Variants in DDX21 observed in about 807,000 individuals in gnomAD.
DDX21 encodes the protein DExD-box helicase 21.
In DDX21, 18 loss-of-function variants were observed where a neutral mutation model predicts 90.0. The ratio of observed to expected loss-of-function variants is 0.20; its 90% CI spans 0.14 to 0.30. The LOEUF is 0.30. DDX21 is among the 10% of genes least tolerant of loss of function. The pLI, the probability that DDX21 is intolerant of heterozygous loss-of-function variation, is 1.00. For synonymous variants in DDX21, 294 were observed against 318.0 expected (o/e 0.92, Z 0.80); for missense variants, 673 against 944.5 (o/e 0.71, Z 3.77).
intron 4 of DDX21, 108 bp from the exon 5 acceptor site, chr10:68,965,269 G>A (rs1332363262): frequency 6.4e-6 from 5 of 781,112 alleles, no homozygotes; most frequent in African/African-American, 1.7e-5. Flanking sequence ...CATCATCAGC[G>A]TTAGACCTTG....
At chr10:68,976,933 T>G (rs1001733330) in intron 11 of DDX21, among the ~76,000 whole-genome samples, 4 of 152,150 alleles carry the variant, frequency 2.6e-5, no homozygotes, top group Non-Finnish European at 4.4e-5. Flanking sequence ...GGTCTTTTTC[T>G]TATTTCTTTT....
At chr10:68,975,935 G>T (rs1358792834) in intron 11 of DDX21, among the ~76,000 whole-genome samples, 1 of 151,878 alleles carries the variant, frequency 6.6e-6, no homozygotes, top group African/African-American at 2.4e-5. Context: ...TATAATCCCA[G>T]GTACTTGGGA....
intron 12 of DDX21, 126 bp downstream of exon 12, chr10:68,977,814 T>A: frequency 9.2e-7 from 1 of 1,087,928 alleles, no homozygotes; most frequent in Non-Finnish European, 1.3e-6. Flanking sequence ...TTAATTGTAT[T>A]TTACAATTTC....
intron 7 of DDX21, among the ~76,000 whole-genome samples, chr10:68,969,836 T>G (rs1179092420): frequency 1.3e-5 from 2 of 152,218 alleles, no homozygotes; most frequent in Non-Finnish European, 2.9e-5. Flanking sequence ...AGATTGGGTT[T>G]TTAAGTAAAT....
chr10:68,961,131 C>T (rs368661091), intron 2 of DDX21, among the ~76,000 whole-genome samples: 2 of 152,288 alleles, frequency 1.3e-5, no homozygotes, highest in African/African-American at 2.4e-5. Context: ...CATGGGATCT[C>T]GCTGTGTGGC....
intron 11 of DDX21, among the ~76,000 whole-genome samples, chr10:68,975,884 C>T (rs1843090779): frequency 6.6e-6 from 1 of 151,934 alleles, no homozygotes; most frequent in South Asian, 2.1e-4. Context: ...CCCATTTCTA[C>T]TAAAAATACA....
In DDX21 at chr10:68,965,263, A is replaced by G. The variant is rs1589284364; in HGVS notation, c.787-114A>G. 5.7e-6 allele frequency: 4 copies of G among 706,774 alleles called. No homozygotes were observed. In the East Asian group the frequency reaches 7.9e-5, roughly 14 times the overall value. 43.8% of individuals were successfully genotyped at this position (706,774 alleles called of 1,614,324 possible). A position where few individuals can be genotyped will look rare whatever the true frequency, so the allele number is the denominator to read the frequency against. On this transcript the variant is annotated intron_variant, in intron 4 of 14. Transcript: ENST00000354185. ...AATATTAGATAATGTTATCGTCATCATCAGCGTTAGACCTTGTTCAAGTCG... is the reference window on the plus strand; with the variant it reads ...AATATTAGATAATGTTATCGTCATCGTCAGCGTTAGACCTTGTTCAAGTCG...
intron 9 of DDX21, among the ~76,000 whole-genome samples, chr10:68,972,629 T>G (rs1270173395): frequency 6.6e-6 from 1 of 152,220 alleles, no homozygotes; most frequent in African/African-American, 2.4e-5. Flanking sequence ...AGACTATGAA[T>G]TCACCAATTC....
In DDX21 at chr10:68,956,231, G is replaced by C; in HGVS notation, c.6G>C (p.Pro2=). 6.2e-7 allele frequency: 1 copy of C among 1,614,010 alleles called. No individual in the cohort carries two copies. The change falls in exon 1 of 15, where the codon CCG becomes CCC. Residue 2 remains proline (P), a synonymous_variant. Coordinates refer to ENST00000354185, the MANE Select transcript of DDX21 (RefSeq NM_004728.4). ...CTGGGCAACCTGCGCTGAAGATGCC[G>C]GGAAAACTCCGTAGTGACGCTGGTT... M[P]GKLRSDAGLE... is the part of the protein sequence containing the mutation.
In DDX21 at chr10:68,982,928, A is replaced by T. The variant is rs368176579; in HGVS notation, c.*116A>T. ...TGTGCCTCCTTTTGACCACTTGCCA[A>T]GTCCCTGTCTCTTTCAGACACAGAC... On this transcript the variant is annotated 3_prime_UTR_variant, in exon 15 of 15. Transcript: ENST00000354185. The T allele has an allele frequency of 1.5e-5, 19 of 1,298,552 alleles. No homozygotes were observed. The South Asian group carries it at 2.8e-4, about 19-fold the overall frequency. 80.4% of individuals were successfully genotyped at this position (1,298,552 alleles called of 1,614,324 possible).
At chr10:68,979,269 A>C (rs1252896632) in intron 13 of DDX21, among the ~76,000 whole-genome samples, 1 of 152,130 alleles carries the variant, frequency 6.6e-6, no homozygotes, top group Non-Finnish European at 1.5e-5. Context: ...TTTTCTTAGC[A>C]ATGCTATTCT....
intron 5 of DDX21, 32 bp downstream of exon 5, chr10:68,965,526 A>G (rs996246554): frequency 1.5e-5 from 22 of 1,486,460 alleles, no homozygotes; most frequent in Non-Finnish European, 2.1e-5. Context: ...GGGAGGTATA[A>G]TGCCACCCAT....
At position 68,984,916 on chromosome 10, in the gene DDX21, TTTTAC is replaced by T. The variant is rs1196885996; in HGVS notation, c.*2106_*2110del. 6.6e-6 allele frequency: 1 copy of T among 152,184 alleles called. No individual in the cohort carries two copies. The highest frequency in any genetic ancestry group is 2.4e-5 in the African/African-American group (1 of 41,442). The allele number at this position is 152,184 out of a possible 1,614,324, so 9.4% of individuals were successfully genotyped here. ...GGGTTAGCTTGGTAAATGTTATAAT[TTTTAC>T]TATTTTCTACAAAGAAAATATTTTC... On this transcript the variant is annotated 3_prime_UTR_variant, in exon 15 of 15. Coordinates refer to ENST00000354185, the MANE Select transcript of DDX21 (RefSeq NM_004728.4).
At chr10:68,957,073 T>G (rs1310779736) in intron 1 of DDX21, among the ~76,000 whole-genome samples, 1 of 151,950 alleles carries the variant, frequency 6.6e-6, no homozygotes, top group Non-Finnish European at 1.5e-5. Context: ...ACTGGAGCTT[T>G]AGAGTAGACT....
At chr10:68,976,436 T>C (rs1432427659) in intron 11 of DDX21, among the ~76,000 whole-genome samples, 1 of 151,894 alleles carries the variant, frequency 6.6e-6, no homozygotes, top group Non-Finnish European at 1.5e-5. Flanking sequence ...TACAGGCACC[T>C]GCCACCACGC....
At chr10:68,962,031 T>TATA in intron 2 of DDX21, 51 bp from the exon 3 acceptor site, 2 of 1,388,538 alleles carry the variant, frequency 1.4e-6, no homozygotes, top group Non-Finnish European at 2.0e-6. Context: ...GGTTCTCTAT[T>TATA]AATTTGTGTA....
In DDX21 at chr10:68,984,378, A is replaced by C. The variant is rs1054762381; in HGVS notation, c.*1566A>C. 2 of 152,098 alleles carry C rather than the reference A, an allele frequency of 1.3e-5. No individual in the cohort carries two copies. Among genetic ancestry groups the C allele is most frequent in the African/African-American group, 4.8e-5 (2 of 41,404 alleles). 9.4% of individuals were successfully genotyped at this position (152,098 alleles called of 1,614,324 possible). A position where few individuals can be genotyped will look rare whatever the true frequency, so the allele number is the denominator to read the frequency against. On this transcript the variant is annotated 3_prime_UTR_variant, in exon 15 of 15. Coordinates refer to ENST00000354185, the MANE Select transcript of DDX21 (RefSeq NM_004728.4). ...ATCCTTGAGGCAACATTCTTTTTCTATTTGAACTTCAGTTCTGTCCTTGAA... is the reference window on the plus strand; with the variant it reads ...ATCCTTGAGGCAACATTCTTTTTCTCTTTGAACTTCAGTTCTGTCCTTGAA...
intron 11 of DDX21, among the ~76,000 whole-genome samples, chr10:68,975,564 A>G (rs1360318504): frequency 6.6e-6 from 1 of 152,220 alleles, no homozygotes; most frequent in Non-Finnish European, 1.5e-5. Flanking sequence ...TTATTTAAAA[A>G]ACAGACACAG....
intron 1 of DDX21, among the ~76,000 whole-genome samples, chr10:68,958,210 G>A (rs1842826160): frequency 6.6e-6 from 1 of 152,022 alleles, no homozygotes; most frequent in Non-Finnish European, 1.5e-5. Flanking sequence ...CCAGCCTCAG[G>A]TGATCCGCCC....
Sources: allele counts gnomAD v4.1 joint callset (sites outside exome capture counted in the v4.1 genomes callset), GRCh38; gene constraint gnomAD v4.1.1; transcripts MANE v1.5; gene names NCBI Gene and HGNC (gene_info 2026-07-23, HGNC 2026-07-21).